Variants in ADAMTS6 observed in about 807,000 individuals in gnomAD.
ADAMTS6 encodes the protein ADAM metallopeptidase with thrombospondin type 1 motif 6.
ADAMTS6 carries 23 observed loss-of-function variants against 144.3 expected under a neutral mutation model. The observed-to-expected ratio is 0.16, with a 90% confidence interval of 0.11 to 0.23. The LOEUF (loss-of-function observed/expected upper bound fraction) is 0.23, where lower values mean the gene tolerates loss of function less well. ADAMTS6 is among the 10% of genes least tolerant of loss of function. The pLI is 1.00. For missense variants in ADAMTS6, 999 were observed against 1,379.6 expected (o/e 0.72, Z 4.37); for synonymous variants, 444 against 457.5 (o/e 0.97, Z 0.38).
intron 7 of ADAMTS6, among the ~76,000 whole-genome samples, chr5:65,352,338 T>G (rs554401892): frequency 2.6e-5 from 4 of 152,098 alleles, no homozygotes; most frequent in Non-Finnish European, 1.5e-5. Context: ...ATGTCTCAAA[T>G]TGACAAATCA....
chr5:65,360,976 C>T (rs935299000), intron 7 of ADAMTS6, among the ~76,000 whole-genome samples: 2 of 152,138 alleles, frequency 1.3e-5, no homozygotes, highest in South Asian at 2.1e-4. Context: ...CTCTTTATCA[C>T]GTCAGGTCTC....
chr5:65,299,284 A>G lies in ADAMTS6; in HGVS notation c.1370+701T>C, dbSNP rs1743145000. Among the ~76,000 whole-genome samples the G allele has an allele frequency of 2.0e-5, 3 of 152,274 alleles. No homozygotes were observed. The South Asian group carries it at 6.2e-4, about 32-fold the overall frequency. ...ATTCATTTAACAACTTAGGACACTG[A>G]AGATTAGAAAAGTTAAGGAACACGC... On this transcript the variant is annotated intron_variant, in intron 10 of 24. Coordinates refer to ENST00000381055, the MANE Select transcript of ADAMTS6 (RefSeq NM_197941.4).
intron 22 of ADAMTS6, among the ~76,000 whole-genome samples, chr5:65,178,012 G>C (rs149397455): frequency 0.064 from 9,669 of 152,216 alleles, 1,036 homozygotes; most frequent in African/African-American, 0.22. Context: ...AGTTCACTTC[G>C]TGTCTCTCAC....
chr5:65,253,982 C>A (rs1760434971), intron 14 of ADAMTS6, among the ~76,000 whole-genome samples: 1 of 151,646 alleles, frequency 6.6e-6, no homozygotes, highest in African/African-American at 2.4e-5. Flanking sequence ...GTAGCTAGGA[C>A]TACAGGCACG....
At chr5:65,237,727 T>A (rs1758791846) in intron 15 of ADAMTS6, among the ~76,000 whole-genome samples, 1 of 152,134 alleles carries the variant, frequency 6.6e-6, no homozygotes, top group Non-Finnish European at 1.5e-5. Context: ...CATTATCAAT[T>A]AAGTTAAATA....
intron 22 of ADAMTS6, among the ~76,000 whole-genome samples, chr5:65,179,301 T>G: frequency 6.6e-6 from 1 of 152,204 alleles, no homozygotes; most frequent in East Asian, 1.9e-4. Context: ...TGTATAATAC[T>G]ATTCTATACA....
intron 11 of ADAMTS6, among the ~76,000 whole-genome samples, chr5:65,273,803 T>C (rs983884392): frequency 1.3e-5 from 2 of 152,138 alleles, no homozygotes; most frequent in African/African-American, 4.8e-5. Flanking sequence ...TATACAATAA[T>C]ACAAACTTAC....
At chr5:65,412,855 C>T (rs1373589987) in intron 7 of ADAMTS6, among the ~76,000 whole-genome samples, 1 of 151,912 alleles carries the variant, frequency 6.6e-6, no homozygotes, top group Non-Finnish European at 1.5e-5. Context: ...ATACTGATAC[C>T]AGAGTTTTTT....
intron 9 of ADAMTS6, among the ~76,000 whole-genome samples, chr5:65,306,049 C>T (rs1018911263): frequency 6.6e-5 from 10 of 152,228 alleles, no homozygotes; most frequent in African/African-American, 2.4e-4. Context: ...CTGTGTTTCT[C>T]AGTTGCAATG....
intron 9 of ADAMTS6, among the ~76,000 whole-genome samples, chr5:65,301,084 TTTTG>T (rs1743329257): frequency 6.6e-6 from 1 of 152,204 alleles, no homozygotes; most frequent in African/African-American, 2.4e-5. Context: ...TTTTAAAATA[TTTTG>T]TTTGTCATTT....
At chr5:65,425,571 C>T (rs906885676) in intron 7 of ADAMTS6, among the ~76,000 whole-genome samples, 1 of 152,172 alleles carries the variant, frequency 6.6e-6, no homozygotes, top group Non-Finnish European at 1.5e-5. Context: ...TCCTGCTTAA[C>T]GTAAATTTCC....
chr5:65,405,726 T>A (rs942698778), intron 7 of ADAMTS6, among the ~76,000 whole-genome samples: 1 of 152,218 alleles, frequency 6.6e-6, no homozygotes, highest in Non-Finnish European at 1.5e-5. Flanking sequence ...AATCTATAAA[T>A]TATCTTAGGC....
chr5:65,252,980 C>A (rs993878636), intron 14 of ADAMTS6, among the ~76,000 whole-genome samples: 36 of 152,190 alleles, frequency 2.4e-4, no homozygotes, highest in African/African-American at 5.8e-4. Context: ...CTCAACCTCC[C>A]GGGCTCAGGT....
chr5:65,285,192 T>C (rs1763272397), intron 11 of ADAMTS6, among the ~76,000 whole-genome samples: 1 of 152,214 alleles, frequency 6.6e-6, no homozygotes, highest in African/African-American at 2.4e-5. Flanking sequence ...GGCATCTTGC[T>C]GCTTTTAAGA....
intron 11 of ADAMTS6, among the ~76,000 whole-genome samples, chr5:65,278,264 T>C (rs1201829846): frequency 1.3e-5 from 2 of 152,204 alleles, no homozygotes; most frequent in Non-Finnish European, 2.9e-5. Context: ...TTTGCAATTG[T>C]GAATTGTGCT....
chr5:65,459,170 G>A (rs1207371901), intron 4 of ADAMTS6, among the ~76,000 whole-genome samples: 6 of 151,858 alleles, frequency 4.0e-5, no homozygotes, highest in African/African-American at 9.7e-5. Context: ...GAGCCACCGC[G>A]CCCGGCCTGT....
chr5:65,423,483 AACTT>A (rs1325596318), intron 7 of ADAMTS6, among the ~76,000 whole-genome samples: 1 of 152,186 alleles, frequency 6.6e-6, no homozygotes, highest in African/African-American at 2.4e-5. Flanking sequence ...AGTAGATGGT[AACTT>A]ACTTAATATT....
intron 7 of ADAMTS6, among the ~76,000 whole-genome samples, chr5:65,385,812 G>C (rs76969182): frequency 0.012 from 1,855 of 152,136 alleles, 25 homozygotes; most frequent in East Asian, 0.077. Flanking sequence ...GCAATTGTAG[G>C]AATTTAAAAT....
chr5:65,262,692 C>T, intron 13 of ADAMTS6, 125 bp downstream of exon 13: 1 of 1,172,642 alleles, frequency 8.5e-7, no homozygotes, highest in South Asian at 2.2e-5. Context: ...GTGCCTATGG[C>T]TTGTTCTGAA....
Sources: gnomAD v4.1 joint callset for allele counts (sites outside exome capture counted in the v4.1 genomes callset) on GRCh38, gnomAD v4.1.1 for gene constraint, MANE v1.5 for transcripts, NCBI Gene and HGNC (gene_info 2026-07-23, HGNC 2026-07-21) for gene names.